NTRK3: variants seen among roughly 807,000 people sequenced by gnomAD.
NTRK3 encodes NT-3 growth factor receptor.
NTRK3 carries 24 observed loss-of-function variants against 91.7 expected under a neutral mutation model. That is an observed-to-expected ratio of 0.26 (90% CI 0.19 to 0.37). The LOEUF (loss-of-function observed/expected upper bound fraction) is 0.37. Ranked by LOEUF, NTRK3 falls within the 10% of genes least tolerant of loss-of-function variation. The pLI is 1.00. For missense variants in NTRK3, 880 were observed against 1,068.9 expected (o/e 0.82, Z 2.46); for synonymous variants, 483 against 404.0 (o/e 1.20, Z -2.34).
chr15:87,908,391 A>G (rs1416343488), intron 17 of NTRK3: 1 of 398,444 alleles, frequency 2.5e-6, no homozygotes, highest in East Asian at 3.6e-5. Flanking sequence ...AGCAGGCCCC[A>G]GCCCATGGAA....
At chr15:88,010,813 G>A (rs2076828966) in intron 14 of NTRK3, among the ~76,000 whole-genome samples, 1 of 151,702 alleles carries the variant, frequency 6.6e-6, no homozygotes, top group Admixed American at 6.6e-5. Context: ...GAAACAGCCG[G>A]GCTAATTGTA....
chr15:88,250,625 C>G (rs1347236432), intron 3 of NTRK3, among the ~76,000 whole-genome samples: 1 of 152,134 alleles, frequency 6.6e-6, no homozygotes, highest in Non-Finnish European at 1.5e-5. Flanking sequence ...CTCACATTAA[C>G]CATACCCCCC....
At chr15:88,126,745 G>T (rs548403568) in intron 12 of NTRK3, among the ~76,000 whole-genome samples, 2 of 152,134 alleles carry the variant, frequency 1.3e-5, no homozygotes, top group African/African-American at 4.8e-5. Context: ...CAGGAAAGTC[G>T]AAAAGATCTG....
At chr15:88,034,718 G>C (rs943011917) in intron 13 of NTRK3, among the ~76,000 whole-genome samples, 3 of 152,326 alleles carry the variant, frequency 2.0e-5, no homozygotes, top group East Asian at 3.9e-4. Context: ...ACTGGTAAAT[G>C]CAAATGGAGG....
At chr15:88,005,711 T>C (rs1326745280) in intron 14 of NTRK3, among the ~76,000 whole-genome samples, 3 of 152,062 alleles carry the variant, frequency 2.0e-5, no homozygotes, top group Non-Finnish European at 2.9e-5. Flanking sequence ...GGAGGCAGTC[T>C]CCCTCTCTTA....
intron 3 of NTRK3, among the ~76,000 whole-genome samples, chr15:88,202,181 C>T (rs981175366): frequency 6.6e-6 from 1 of 152,168 alleles, no homozygotes; most frequent in Non-Finnish European, 1.5e-5. Context: ...TCTTGCCTTC[C>T]AGGTCTTCTC....
intron 13 of NTRK3, among the ~76,000 whole-genome samples, chr15:88,088,194 ATGGGTGC>A (rs1281454914): frequency 1.3e-5 from 2 of 152,210 alleles, no homozygotes; most frequent in Non-Finnish European, 2.9e-5. Context: ...CACCTGTAAA[ATGGGTGC>A]AATAAAAGTA....
In NTRK3 at chr15:87,897,929, T is replaced by C. The variant is rs1198977817; in HGVS notation, c.2134-17501A>G. Reference sequence around the variant, plus strand: ...ATGCTCTTTGCTAGCTAAGCAACCATAGAGAATTTATTTAACCTCTGGAAG... The same window carrying C: ...ATGCTCTTTGCTAGCTAAGCAACCACAGAGAATTTATTTAACCTCTGGAAG... On this transcript the variant is annotated intron_variant, in intron 17 of 18. Coordinates refer to ENST00000394480, the Ensembl canonical transcript of NTRK3. 2.0e-5 allele frequency among the ~76,000 whole-genome samples: 3 copies of C among 152,154 alleles called. No homozygotes were observed. The East Asian group carries it at 5.8e-4, about 29-fold the overall frequency.
exon 19 of NTRK3, chr15:87,863,200 C>G: frequency 4.4e-6 from 1 of 228,272 alleles, no homozygotes; most frequent in Non-Finnish European, 8.7e-6. Flanking sequence ...AAGAATGTGA[C>G]AGAGACAGCT....
chr15:88,062,607 G>A (rs1487924962), intron 13 of NTRK3, among the ~76,000 whole-genome samples: 1 of 152,114 alleles, frequency 6.6e-6, no homozygotes, highest in East Asian at 1.9e-4. Context: ...CTAGATAAAA[G>A]GACCCCGATG....
chr15:88,237,989 T>C lies in NTRK3; in HGVS notation c.248+17917A>G, dbSNP rs1043421337. ...GGGTCTTTAAAGAAGTAATTAAGTT[T>C]AAATGAGGTGATTGGGGTAGCCCTA... On this transcript the variant is annotated intron_variant, in intron 3 of 18. Transcript: ENST00000394480. The surrounding 1 kb of genome is among the most constrained non-coding windows in gnomAD (Gnocchi z 4.0). Among the ~76,000 whole-genome samples the C allele has an allele frequency of 1.3e-5, 2 of 152,296 alleles. No homozygotes were observed. The highest frequency in any genetic ancestry group is 2.4e-5 in the African/African-American group (1 of 41,560).
chr15:88,244,554 ATGGCACCTGGG>A (rs1362319301), intron 3 of NTRK3, among the ~76,000 whole-genome samples: 1 of 150,594 alleles, frequency 6.6e-6, no homozygotes. Context: ...CCCAGAGAAG[ATGGCACCTGGG>A]AAAAAACCAA....
chr15:88,177,102 A>G (rs969136288), intron 5 of NTRK3, among the ~76,000 whole-genome samples: 1 of 152,186 alleles, frequency 6.6e-6, no homozygotes, highest in South Asian at 2.1e-4. Flanking sequence ...GGGACTGAAA[A>G]GGCTTGTAAG....
intron 17 of NTRK3, among the ~76,000 whole-genome samples, chr15:87,918,851 T>A (rs1032085503): frequency 6.6e-6 from 1 of 152,160 alleles, no homozygotes; most frequent in Non-Finnish European, 1.5e-5. Flanking sequence ...AAACTAAGCA[T>A]CTAATTTAAC....
intron 5 of NTRK3, among the ~76,000 whole-genome samples, chr15:88,155,918 C>T (rs1294504612): frequency 6.6e-6 from 1 of 152,104 alleles, no homozygotes; most frequent in Non-Finnish European, 1.5e-5. Context: ...TCTCAGAGCT[C>T]ATCTCAATTT....
exon 19 of NTRK3, chr15:87,862,865 A>G: frequency 4.3e-6 from 1 of 230,726 alleles, no homozygotes; most frequent in Non-Finnish European, 8.6e-6. Context: ...TCCAAAATGA[A>G]TAACAGCAGC....
At chr15:87,943,835 T>G (rs2070150861) in intron 14 of NTRK3, among the ~76,000 whole-genome samples, 1 of 151,968 alleles carries the variant, frequency 6.6e-6, no homozygotes, top group Non-Finnish European at 1.5e-5. Context: ...GGGGAAGCTG[T>G]GACAGCTGTG....
intron 3 of NTRK3, among the ~76,000 whole-genome samples, chr15:88,207,667 C>A (rs974217284): frequency 3.9e-5 from 6 of 152,180 alleles, no homozygotes; most frequent in African/African-American, 1.4e-4. Context: ...ATGGCAGAGG[C>A]CTCTGCTGCA....
intron 17 of NTRK3, among the ~76,000 whole-genome samples, chr15:87,881,425 A>ATTTG (rs1474896397): frequency 6.8e-6 from 1 of 147,044 alleles, no homozygotes; most frequent in Non-Finnish European, 1.5e-5. Context: ...TTATTTATTT[A>ATTTG]TTTATTTATT....
Sources: allele counts gnomAD v4.1 joint callset (sites outside exome capture counted in the v4.1 genomes callset), GRCh38; gene constraint gnomAD v4.1.1; non-coding constraint Gnocchi (gnomAD v3.1); transcripts MANE v1.5; gene names NCBI Gene and HGNC (gene_info 2026-07-23, HGNC 2026-07-21).